DLG2: variants seen among roughly 807,000 people sequenced by gnomAD.
DLG2 encodes disks large homolog 2.
DLG2 carries 45 observed loss-of-function variants against 132.5 expected under a neutral mutation model. That is an observed-to-expected ratio of 0.34 (90% CI 0.27 to 0.44). DLG2 has a LOEUF of 0.44. DLG2 is among the 20% of genes least tolerant of loss of function. The pLI, the probability that DLG2 is intolerant of heterozygous loss-of-function variation, is 1.00. For synonymous variants in DLG2, 424 were observed against 419.6 expected, an observed-to-expected ratio of 1.01 and a Z score of -0.13; for missense variants, 1,045 against 1,196.9, an observed-to-expected ratio of 0.87 and a Z score of 1.87.
rs545146823 is a variant in DLG2, at chr11:83,885,751, T to C, written c.1497-11263A>G. ...CCCATCAGACTAACAGCGGATCTCT[T>C]GGCAGAAACTCTACAAGCCAGAATA... On this transcript the variant is annotated intron_variant, in intron 15 of 27. Transcript: ENST00000376104. Among the ~76,000 whole-genome samples the C allele has an allele frequency of 1.3e-4, 20 of 152,312 alleles. No individual in the cohort carries two copies. The East Asian group carries it at 2.3e-3, about 18-fold the overall frequency.
chr11:83,864,114 T>C (rs934077116), intron 16 of DLG2, among the ~76,000 whole-genome samples: 1 of 152,226 alleles, frequency 6.6e-6, no homozygotes, highest in African/African-American at 2.4e-5. Flanking sequence ...TATCAGCCCA[T>C]GTAAGCATGC....
intron 11 of DLG2, among the ~76,000 whole-genome samples, chr11:84,020,083 G>T (rs1593224984): frequency 1.3e-5 from 2 of 152,208 alleles, no homozygotes; most frequent in South Asian, 2.1e-4. Context: ...GTGGCCAGGA[G>T]ACAACTGTGA....
rs1339954083 is a variant in DLG2, at chr11:83,700,497, A to G, written c.1826-67172T>C. 3.9e-5 allele frequency among the ~76,000 whole-genome samples: 6 copies of G among 152,220 alleles called. No individual in the cohort carries two copies. The South Asian group carries it at 8.3e-4, about 21-fold the overall frequency. Reference sequence around the variant, plus strand: ...AGCTTTTACTTAGGAACCTGAATACAGTGGATGAAAGACTACAAAATGTAG... The same window carrying G: ...AGCTTTTACTTAGGAACCTGAATACGGTGGATGAAAGACTACAAAATGTAG... On this transcript the variant is annotated intron_variant, in intron 18 of 27. Coordinates refer to ENST00000376104, the MANE Select transcript of DLG2 (RefSeq NM_001142699.3).
chr11:84,009,080 GT>G (rs1214220895), intron 11 of DLG2, among the ~76,000 whole-genome samples: 1 of 151,770 alleles, frequency 6.6e-6, no homozygotes, highest in Admixed American at 6.6e-5. Context: ...GATTGCTGCT[GT>G]TTTCTTTTTG....
chr11:84,168,571 C>A (rs2095730550), intron 8 of DLG2, among the ~76,000 whole-genome samples: 2 of 152,088 alleles, frequency 1.3e-5, no homozygotes, highest in Admixed American at 6.6e-5. Context: ...ATTACAGTGG[C>A]TAGCAATGAT....
chr11:85,037,772 T>A (rs2061537714), intron 6 of DLG2, among the ~76,000 whole-genome samples: 1 of 152,160 alleles, frequency 6.6e-6, no homozygotes, highest in Admixed American at 6.5e-5. Context: ...AAAATTAACC[T>A]AAATGTAGGG....
intron 17 of DLG2, among the ~76,000 whole-genome samples, chr11:83,815,887 C>G (rs2048750245): frequency 6.6e-6 from 1 of 152,114 alleles, no homozygotes; most frequent in South Asian, 2.1e-4. Context: ...GTATTCTCTT[C>G]AATATCTGAC....
intron 6 of DLG2, among the ~76,000 whole-genome samples, chr11:84,636,240 C>A (rs1479718161): frequency 6.6e-6 from 1 of 152,180 alleles, no homozygotes; most frequent in Non-Finnish European, 1.5e-5. Flanking sequence ...TCTTCTGAGC[C>A]TTCAGAGATT....
intron 18 of DLG2, among the ~76,000 whole-genome samples, chr11:83,719,585 T>C (rs1310482426): frequency 1.3e-5 from 2 of 152,096 alleles, no homozygotes; most frequent in Non-Finnish European, 2.9e-5. Flanking sequence ...AGAGGCAAGG[T>C]GGAAGTAGGT....
intron 7 of DLG2, among the ~76,000 whole-genome samples, chr11:84,301,651 C>CAAAAAA (rs753899806): frequency 1.9e-4 from 5 of 26,596 alleles, no homozygotes; most frequent in East Asian, 1.0e-3. Context: ...AGGCGAGACT[C>CAAAAAA]AAAAAAAAAA....
At chr11:84,909,797 C>G (rs1460562706) in intron 6 of DLG2, among the ~76,000 whole-genome samples, 2 of 152,134 alleles carry the variant, frequency 1.3e-5, no homozygotes, top group Admixed American at 1.3e-4. Flanking sequence ...ATATATTACC[C>G]CTTAAGTTAA....
intron 6 of DLG2, among the ~76,000 whole-genome samples, chr11:84,726,051 A>G (rs920134197): frequency 6.6e-6 from 1 of 152,056 alleles, no homozygotes; most frequent in Non-Finnish European, 1.5e-5. Flanking sequence ...CTCAGACCCC[A>G]TATAAATGGA....
intron 3 of DLG2, among the ~76,000 whole-genome samples, chr11:85,420,976 T>C (rs1053093575): frequency 1.1e-4 from 17 of 152,096 alleles, no homozygotes; most frequent in Admixed American, 9.2e-4. Flanking sequence ...CAGGTGCCAT[T>C]GGGGTATTAA....
At position 85,268,577 on chromosome 11, in the gene DLG2, G is replaced by A. The variant is rs78883331; in HGVS notation, c.186+16643C>T. Reference sequence around the variant, plus strand: ...GCAAAATAAAATTTCTAAATTAAGCGAGACTCATCTCAAATTTTCAGGGTT... The same window carrying A: ...GCAAAATAAAATTTCTAAATTAAGCAAGACTCATCTCAAATTTTCAGGGTT... On this transcript the variant is annotated intron_variant, in intron 4 of 27. Coordinates refer to ENST00000376104, the MANE Select transcript of DLG2 (RefSeq NM_001142699.3). Among the ~76,000 whole-genome samples, 243 of 152,270 alleles carry A rather than the reference G, an allele frequency of 1.6e-3. 7 individuals are homozygous for A. In the East Asian group the frequency reaches 0.044, roughly 27 times the overall value.
At chr11:85,248,449 T>C (rs17208108) in intron 4 of DLG2, among the ~76,000 whole-genome samples, 6,322 of 152,160 alleles carry the variant, frequency 0.042, 171 homozygotes, top group East Asian at 0.094. Flanking sequence ...TTTAAAAATT[T>C]AGAAGATTCA....
intron 7 of DLG2, among the ~76,000 whole-genome samples, chr11:84,501,814 A>T (rs1399204573): frequency 6.6e-6 from 1 of 152,196 alleles, no homozygotes; most frequent in Non-Finnish European, 1.5e-5. Flanking sequence ...CCACCAAAAG[A>T]GTAATTTGTT....
intron 15 of DLG2, among the ~76,000 whole-genome samples, chr11:83,927,712 G>C (rs1446120071): frequency 1.3e-5 from 2 of 152,062 alleles, no homozygotes; most frequent in East Asian, 3.9e-4. Flanking sequence ...AGATCACTTT[G>C]GTTGCACTGA....
intron 6 of DLG2, among the ~76,000 whole-genome samples, chr11:84,928,976 G>T (rs1389420350): frequency 2.3e-4 from 7 of 30,114 alleles, no homozygotes; most frequent in African/African-American, 6.5e-4. Context: ...GTGTGTGTGT[G>T]TGTGTGTATA....
At chr11:83,877,899 C>T (rs1012646359) in intron 15 of DLG2, among the ~76,000 whole-genome samples, 3 of 152,184 alleles carry the variant, frequency 2.0e-5, no homozygotes, top group African/African-American at 7.2e-5. Flanking sequence ...GAACACCAAA[C>T]ATTTTTCCCT....
Sources: gnomAD v4.1 joint callset for allele counts (sites outside exome capture counted in the v4.1 genomes callset) on GRCh38, gnomAD v4.1.1 for gene constraint, MANE v1.5 for transcripts, NCBI Gene and HGNC (gene_info 2026-07-23, HGNC 2026-07-21) for gene names.